CDC42SE2: variants seen among roughly 807,000 people sequenced by gnomAD.
CDC42SE2 encodes the protein CDC42 small effector protein 2.
CDC42SE2 carries 3 observed loss-of-function variants against 11.5 expected under a neutral mutation model. The observed-to-expected ratio is 0.26, with a 90% CI of 0.12 to 0.67. The LOEUF (loss-of-function observed/expected upper bound fraction) is 0.67. Ranked by LOEUF, CDC42SE2 falls within the 30% of genes least tolerant of loss-of-function variation. CDC42SE2 has a pLI of 0.80. For missense variants in CDC42SE2, 82 were observed against 106.8 expected (o/e 0.77, Z 1.02); for synonymous variants, 33 against 34.8 (o/e 0.95, Z 0.18).
At chr5:131,330,708 G>A (rs548316333) in intron 2 of CDC42SE2, among the ~76,000 whole-genome samples, 182 of 152,124 alleles carry the variant, frequency 1.2e-3, no homozygotes, top group African/African-American at 4.3e-3. Flanking sequence ...GACAGTGCCT[G>A]CAAGAAAGTA....
chr5:131,216,413 G>T, the CDC42SE2 span, among the ~76,000 whole-genome samples: 1 of 149,328 alleles, frequency 6.7e-6, no homozygotes, highest in African/African-American at 2.5e-5. Context: ...GAGATGGAAG[G>T]ATTGCCTGAG....
At chr5:131,214,368 A>G in the CDC42SE2 span, among the ~76,000 whole-genome samples, 4 of 152,174 alleles carry the variant, frequency 2.6e-5, no homozygotes, top group African/African-American at 7.2e-5. Context: ...CAGTGAGACC[A>G]TATCTCCAGA....
chr5:131,317,620 A>G (rs1035142705), intron 2 of CDC42SE2, among the ~76,000 whole-genome samples: 34 of 151,568 alleles, frequency 2.2e-4, no homozygotes, highest in Non-Finnish European at 4.1e-4. Context: ...TGTGAAACAA[A>G]TCATTTTTTT....
chr5:131,376,058 G>A (rs946018933), intron 3 of CDC42SE2, among the ~76,000 whole-genome samples: 3 of 152,018 alleles, frequency 2.0e-5, no homozygotes, highest in Non-Finnish European at 4.4e-5. Context: ...GACCAACATG[G>A]TGAAACCCAT....
intron 2 of CDC42SE2, chr5:131,255,435 A>G (rs1290737194): frequency 6.6e-6 from 1 of 152,174 alleles, no homozygotes; most frequent in Non-Finnish European, 1.5e-5. Flanking sequence ...GCATTGGTCT[A>G]TTGTATGCCA....
chr5:131,287,779 T>A (rs1056270562), intron 1 of CDC42SE2, among the ~76,000 whole-genome samples: 2 of 152,164 alleles, frequency 1.3e-5, no homozygotes, highest in Non-Finnish European at 2.9e-5. Context: ...CTACCGAAAT[T>A]TTCTTTGTAG....
chr5:131,250,551 GT>G lies in CDC42SE2; in HGVS notation n.108-4542del, dbSNP rs372656163. Among the ~76,000 whole-genome samples the G allele has an allele frequency of 4.6e-4, 70 of 152,244 alleles. No homozygotes were observed. The East Asian group carries it at 7.9e-3, about 17-fold the overall frequency. The stretch of plus-strand genomic sequence containing the variant: ...TGTGGAGACAGTAAAAAGATCAATG[GT>G]TGCCAGGGACTGTGGAGCCAGGGTA... On this transcript the variant is annotated intron_variant and non_coding_transcript_variant, in intron 1 of 3. Coordinates refer to the CDC42SE2 transcript ENST00000502840.
chr5:131,343,925 T>C (rs895814127), intron 2 of CDC42SE2, among the ~76,000 whole-genome samples: 1 of 152,210 alleles, frequency 6.6e-6, no homozygotes, highest in East Asian at 1.9e-4. Flanking sequence ...CACTCTTTCA[T>C]GTTTGAGCCA....
intron 4 of CDC42SE2, among the ~76,000 whole-genome samples, chr5:131,386,125 C>G (rs552713648): frequency 6.6e-6 from 1 of 152,328 alleles, no homozygotes; most frequent in Non-Finnish European, 1.5e-5. Context: ...GACAGTTTTT[C>G]CATGGGGGAA....
At position 131,335,077 on chromosome 5, in the gene CDC42SE2, C is replaced by G. The variant is rs946329161; in HGVS notation, c.-286+18933C>G. Reference sequence around the variant, plus strand: ...TGATGTTAGGGTGTCAATTTTAGATCTTTCCTGCTTTCTCTTGTGGGCATT... The same window carrying G: ...TGATGTTAGGGTGTCAATTTTAGATGTTTCCTGCTTTCTCTTGTGGGCATT... On this transcript the variant is annotated intron_variant, in intron 2 of 4. Coordinates refer to ENST00000505065, the MANE Select transcript of CDC42SE2 (RefSeq NM_001375635.1). Among the ~76,000 whole-genome samples, 3 of 151,880 alleles carry G rather than the reference C, an allele frequency of 2.0e-5. No individual in the cohort carries two copies. In the South Asian group the frequency reaches 6.2e-4, roughly 31 times the overall value.
intron 2 of CDC42SE2, among the ~76,000 whole-genome samples, chr5:131,336,321 A>G (rs1479487577): frequency 2.0e-5 from 3 of 152,204 alleles, no homozygotes; most frequent in Non-Finnish European, 4.4e-5. Flanking sequence ...TGGCTTATAG[A>G]GTTTCTGCCG....
intron 2 of CDC42SE2, among the ~76,000 whole-genome samples, chr5:131,356,997 C>G (rs1749567061): frequency 6.6e-6 from 1 of 152,132 alleles, no homozygotes. Flanking sequence ...AATAGCAGCA[C>G]TGAAATAATG....
intron 1 of CDC42SE2, among the ~76,000 whole-genome samples, chr5:131,253,933 T>G (rs1756660207): frequency 1.3e-5 from 2 of 152,264 alleles, no homozygotes; most frequent in Non-Finnish European, 2.9e-5. Flanking sequence ...CATGTTCGGA[T>G]GTGTCCTATA....
intron 2 of CDC42SE2, among the ~76,000 whole-genome samples, chr5:131,329,566 A>G (rs1758370908): frequency 6.6e-6 from 1 of 152,088 alleles, no homozygotes. Flanking sequence ...CACAAGCTAT[A>G]TGAAAATAAT....
intron 3 of CDC42SE2, among the ~76,000 whole-genome samples, chr5:131,384,419 A>G (rs1409320237): frequency 1.3e-5 from 2 of 152,192 alleles, no homozygotes; most frequent in Non-Finnish European, 2.9e-5. Context: ...TAAAAGTGTT[A>G]TGTTCAAAGG....
the CDC42SE2 span, among the ~76,000 whole-genome samples, chr5:131,234,891 AT>A: frequency 2.6e-3 from 356 of 134,986 alleles, no homozygotes; most frequent in Middle Eastern, 4.0e-3. Context: ...GTGAGGGCAA[AT>A]TTTTTTTTTT....
At chr5:131,227,082 A>G in the CDC42SE2 span, among the ~76,000 whole-genome samples, 1 of 152,210 alleles carries the variant, frequency 6.6e-6, no homozygotes, top group Non-Finnish European at 1.5e-5. Context: ...ACACCATCAC[A>G]TCATTAATAT....
chr5:131,374,586 A>AT (rs895828553), intron 3 of CDC42SE2, among the ~76,000 whole-genome samples: 41 of 147,970 alleles, frequency 2.8e-4, no homozygotes, highest in South Asian at 1.3e-3. Context: ...TTGTGACAGA[A>AT]TTTTTTTTTT....
chr5:131,282,534 A>C (rs1757256971), intron 1 of CDC42SE2, among the ~76,000 whole-genome samples: 1 of 152,142 alleles, frequency 6.6e-6, no homozygotes, highest in South Asian at 2.1e-4. Flanking sequence ...TATTCTAAGG[A>C]AGTAACCTTT....
Sources: gnomAD v4.1 joint callset for allele counts (sites outside exome capture counted in the v4.1 genomes callset) on GRCh38, gnomAD v4.1.1 for gene constraint, MANE v1.5 for transcripts, NCBI Gene and HGNC (gene_info 2026-07-23, HGNC 2026-07-21) for gene names.